KCNMA1: variants seen among roughly 807,000 people sequenced by gnomAD.
KCNMA1 encodes potassium calcium-activated channel subfamily M alpha 1.
In KCNMA1, 29 loss-of-function variants were observed where a neutral mutation model predicts 140.0. The observed-to-expected ratio is 0.21, with a 90% CI of 0.15 to 0.28. KCNMA1 has a LOEUF of 0.28. Among genes scored for constraint, KCNMA1 ranks in the 10% least tolerant of loss-of-function variants. KCNMA1 has a pLI of 1.00. For missense variants in KCNMA1, 880 were observed against 1,602.2 expected, an observed-to-expected ratio of 0.55 and a Z score of 7.70; for synonymous variants, 612 against 611.9, an observed-to-expected ratio of 1.00 and a Z score of 0.00.
intron 19 of KCNMA1, among the ~76,000 whole-genome samples, chr10:76,995,999 A>G (rs1292219791): frequency 6.6e-6 from 1 of 152,132 alleles, no homozygotes; most frequent in Non-Finnish European, 1.5e-5. Flanking sequence ...GTCTCCTTTC[A>G]TCTACCTGCA....
At chr10:77,204,869 C>T (rs1203340807) in intron 3 of KCNMA1, among the ~76,000 whole-genome samples, 1 of 152,126 alleles carries the variant, frequency 6.6e-6, no homozygotes, top group East Asian at 1.9e-4. Context: ...CACGGGTGAC[C>T]CCAGGAAGGT....
At chr10:77,511,295 C>T (rs780540391) in intron 1 of KCNMA1, among the ~76,000 whole-genome samples, 3 of 152,222 alleles carry the variant, frequency 2.0e-5, no homozygotes, top group Non-Finnish European at 2.9e-5. Context: ...AAACCCCTCA[C>T]ATACAAGTTT....
At chr10:77,587,960 T>C in intron 1 of KCNMA1, 1 of 625,792 alleles carries the variant, frequency 1.6e-6, no homozygotes, top group Non-Finnish European at 2.0e-6. Flanking sequence ...AGAGAAATAA[T>C]ACTGCAAAGC....
At chr10:77,460,161 C>A (rs1472111624) in intron 1 of KCNMA1, among the ~76,000 whole-genome samples, 1 of 152,140 alleles carries the variant, frequency 6.6e-6, no homozygotes, top group Non-Finnish European at 1.5e-5. Flanking sequence ...TTTACTAACC[C>A]CTATCTTAGA....
At chr10:77,441,597 T>A (rs2097401190) in intron 1 of KCNMA1, among the ~76,000 whole-genome samples, 1 of 152,090 alleles carries the variant, frequency 6.6e-6, no homozygotes, top group African/African-American at 2.4e-5. Context: ...AACAGAATTT[T>A]TTAATGCTAT....
At chr10:77,203,253 G>C (rs1003806151) in intron 3 of KCNMA1, among the ~76,000 whole-genome samples, 1 of 152,162 alleles carries the variant, frequency 6.6e-6, no homozygotes, top group Admixed American at 6.5e-5. Context: ...AAGAAGTTTT[G>C]TAACAGTGGA....
intron 1 of KCNMA1, among the ~76,000 whole-genome samples, chr10:77,518,433 C>T (rs187382732): frequency 4.6e-5 from 7 of 152,264 alleles, no homozygotes; most frequent in Non-Finnish European, 8.8e-5. Flanking sequence ...CAATGCCCTC[C>T]CCCAGCATCC....
intron 1 of KCNMA1, among the ~76,000 whole-genome samples, chr10:77,462,115 C>G (rs1429699404): frequency 1.3e-5 from 2 of 151,812 alleles, no homozygotes; most frequent in Non-Finnish European, 2.9e-5. Flanking sequence ...AACATGCACA[C>G]ACTAACATAA....
chr10:77,114,641 G>C (rs944400251), intron 6 of KCNMA1, among the ~76,000 whole-genome samples: 6 of 152,172 alleles, frequency 3.9e-5, no homozygotes, highest in African/African-American at 1.2e-4. Flanking sequence ...TCAAAGCCCA[G>C]TTCAATCCCT....
intron 9 of KCNMA1, among the ~76,000 whole-genome samples, chr10:77,102,272 A>G (rs978939946): frequency 6.6e-5 from 10 of 152,242 alleles, no homozygotes; most frequent in African/African-American, 1.9e-4. Context: ...AAAATTCCAA[A>G]TCCTTTAGAA....
At position 77,060,857 on chromosome 10, in the gene KCNMA1, G is replaced by A. The variant is rs541082128; in HGVS notation, c.1749+12240C>T. Among the ~76,000 whole-genome samples, 5 of 152,246 alleles carry A rather than the reference G, an allele frequency of 3.3e-5. No homozygotes were observed. In the South Asian group the frequency reaches 6.2e-4, roughly 19 times the overall value. Reference sequence around the variant, plus strand: ...ACAATGTTGGAGTGATGCGATGACAGGGACAAGAGCCAAGGAATGTGGTCA... The same window carrying A: ...ACAATGTTGGAGTGATGCGATGACAAGGACAAGAGCCAAGGAATGTGGTCA... On this transcript the variant is annotated intron_variant, in intron 14 of 27. Transcript: ENST00000286628.
chr10:77,341,746 C>T (rs1473482070), intron 2 of KCNMA1, among the ~76,000 whole-genome samples: 1 of 152,216 alleles, frequency 6.6e-6, no homozygotes, highest in Admixed American at 6.5e-5. Context: ...CACTTCATGA[C>T]TGGCTTTAGC....
chr10:77,633,368 G>C (rs751573764), intron 1 of KCNMA1, among the ~76,000 whole-genome samples: 3 of 151,964 alleles, frequency 2.0e-5, no homozygotes, highest in African/African-American at 7.3e-5. Context: ...TGAGGAGCAC[G>C]AGCTCTCTGG....
chr10:77,280,672 A>G (rs1185711461), intron 2 of KCNMA1, among the ~76,000 whole-genome samples: 1 of 148,570 alleles, frequency 6.7e-6, no homozygotes, highest in Non-Finnish European at 1.5e-5. Context: ...GACTACAGAC[A>G]GGCATCACCA....
At chr10:77,481,739 C>T (rs2098399700) in intron 1 of KCNMA1, among the ~76,000 whole-genome samples, 1 of 147,542 alleles carries the variant, frequency 6.8e-6, no homozygotes, top group South Asian at 2.1e-4. Context: ...CGCACCACTG[C>T]ACTGTAGCCT....
At chr10:77,445,578 G>A (rs1035080394) in intron 1 of KCNMA1, among the ~76,000 whole-genome samples, 4 of 151,954 alleles carry the variant, frequency 2.6e-5, no homozygotes, top group African/African-American at 7.3e-5. Context: ...TTATTTTAGC[G>A]ATGCAATGTT....
intron 2 of KCNMA1, among the ~76,000 whole-genome samples, chr10:77,262,114 C>T (rs988603630): frequency 2.6e-5 from 4 of 152,156 alleles, no homozygotes; most frequent in Admixed American, 6.5e-5. Context: ...CAAACAAATA[C>T]TTATATGCCC....
At chr10:77,272,215 G>A (rs748587916) in intron 2 of KCNMA1, among the ~76,000 whole-genome samples, 2 of 152,118 alleles carry the variant, frequency 1.3e-5, no homozygotes, top group Non-Finnish European at 2.9e-5. Context: ...ACACAGACCT[G>A]GTCTGTTCAG....
chr10:77,007,259 A>AAATGG (rs540649780), intron 18 of KCNMA1, among the ~76,000 whole-genome samples: 27 of 152,212 alleles, frequency 1.8e-4, no homozygotes, highest in Non-Finnish European at 3.1e-4. Flanking sequence ...CTCATTGCTG[A>AAATGG]AATGGAATGT....
Sources: gnomAD v4.1 joint callset for allele counts (sites outside exome capture counted in the v4.1 genomes callset) on GRCh38, gnomAD v4.1.1 for gene constraint, MANE v1.5 for transcripts, NCBI Gene and HGNC (gene_info 2026-07-23, HGNC 2026-07-21) for gene names.